The following GSTCD variants were observed in gnomAD, a reference collection of about 807,000 sequenced individuals.
GSTCD encodes the protein glutathione S-transferase C-terminal domain containing.
In GSTCD, 44 loss-of-function variants were observed where a neutral mutation model predicts 68.3. The observed-to-expected ratio is 0.64, with a 90% confidence interval of 0.51 to 0.83. GSTCD has a LOEUF of 0.83. Ranked by LOEUF, GSTCD falls within the 40% of genes least tolerant of loss-of-function variation. GSTCD has a pLI of 0.00. For missense variants in GSTCD, 739 were observed against 735.9 expected (o/e 1.00, Z -0.05); for synonymous variants, 273 against 255.2 (o/e 1.07, Z -0.67).
intron 5 of GSTCD, among the ~76,000 whole-genome samples, chr4:105,735,001 G>T (rs1325090881): frequency 6.6e-6 from 1 of 152,200 alleles, no homozygotes; most frequent in African/African-American, 2.4e-5. Context: ...AGCGAATATT[G>T]TTGAACAGCA....
chr4:105,806,962 A>T (rs1208625777), intron 5 of GSTCD, among the ~76,000 whole-genome samples: 1 of 152,004 alleles, frequency 6.6e-6, no homozygotes, highest in Non-Finnish European at 1.5e-5. Context: ...TTCACTTTTT[A>T]AAATCCTCCC....
chr4:105,732,316 G>C (rs896817607), intron 5 of GSTCD, among the ~76,000 whole-genome samples: 12 of 152,090 alleles, frequency 7.9e-5, no homozygotes, highest in Non-Finnish European at 1.5e-4. Flanking sequence ...GAATCCGTCT[G>C]GTCCTGGACT....
At chr4:105,725,068 G>A (rs1191210300) in intron 3 of GSTCD, among the ~76,000 whole-genome samples, 2 of 148,586 alleles carry the variant, frequency 1.3e-5, no homozygotes, top group Non-Finnish European at 3.0e-5. Flanking sequence ...GAAAGATGTA[G>A]ACAATTGAAT....
At chr4:105,733,336 G>T (rs1733326096) in intron 5 of GSTCD, among the ~76,000 whole-genome samples, 2 of 152,268 alleles carry the variant, frequency 1.3e-5, no homozygotes, top group South Asian at 4.1e-4. Flanking sequence ...TCTCTTTGTA[G>T]GTCTCTAAGG....
At chr4:105,760,717 G>C (rs1734373434) in intron 5 of GSTCD, among the ~76,000 whole-genome samples, 1 of 152,130 alleles carries the variant, frequency 6.6e-6, no homozygotes, top group African/African-American at 2.4e-5. Flanking sequence ...ATGGACTAGA[G>C]AGAATTAATG....
At chr4:105,814,952 C>A (rs2149269193) in intron 5 of GSTCD, among the ~76,000 whole-genome samples, 1 of 152,308 alleles carries the variant, frequency 6.6e-6, no homozygotes, top group East Asian at 1.9e-4. Flanking sequence ...ATGAATAGCC[C>A]TGCCTTTGAG....
intron 3 of GSTCD, among the ~76,000 whole-genome samples, chr4:105,720,349 C>G (rs1732822477): frequency 6.6e-6 from 1 of 152,064 alleles, no homozygotes; most frequent in Admixed American, 6.6e-5. Context: ...GGGTTTTTTT[C>G]TTGGAAGCAT....
At chr4:105,845,349 C>A in intron 11 of GSTCD, 92 bp from the exon 12 acceptor site, 2 of 1,392,338 alleles carry the variant, frequency 1.4e-6, no homozygotes, top group South Asian at 1.2e-5. Flanking sequence ...ATAGTACTTG[C>A]AGATTTTGTC....
At chr4:105,719,724 G>T (rs561023399) in intron 3 of GSTCD, among the ~76,000 whole-genome samples, 197 bp downstream of exon 3, 2 of 152,298 alleles carry the variant, frequency 1.3e-5, no homozygotes, top group South Asian at 4.1e-4. Flanking sequence ...ACAAATTAAA[G>T]TTTGTGTGAA....
At chr4:105,743,168 T>C (rs1315257011) in intron 5 of GSTCD, among the ~76,000 whole-genome samples, 2 of 152,092 alleles carry the variant, frequency 1.3e-5, no homozygotes, top group Admixed American at 6.6e-5. Context: ...GCCAGGATGG[T>C]CTCGATCTCC....
Position 105,847,058 on chromosome 4 carries a change from G to A in GSTCD, c.*1481G>A, listed in dbSNP as rs949895909. On this transcript the variant is annotated 3_prime_UTR_variant, in exon 12 of 12. Transcript: ENST00000515279. ...TTTCTGGGTAAAACTTATTAGTGGT[G>A]TGAGGAGTGCAGAATATGGAAGCTT... 3 of 152,200 alleles carry A rather than the reference G, an allele frequency of 2.0e-5. No homozygotes were observed. The highest frequency in any genetic ancestry group is 7.2e-5 in the African/African-American group (3 of 41,438). The allele number at this position is 152,200 out of a possible 1,614,324, so 9.4% of individuals were successfully genotyped here.
At chr4:105,783,477 G>A (rs564297532) in intron 5 of GSTCD, among the ~76,000 whole-genome samples, 1 of 152,020 alleles carries the variant, frequency 6.6e-6, no homozygotes, top group East Asian at 1.9e-4. Context: ...TACAAAAATA[G>A]TACAAAAAAA....
intron 7 of GSTCD, 23 bp from the exon 8 acceptor site, chr4:105,825,649 A>T: frequency 7.5e-7 from 1 of 1,325,498 alleles, no homozygotes; most frequent in Non-Finnish European, 1.1e-6. Context: ...TAAATATACT[A>T]TTGTTTTCTG....
At chr4:105,843,028 TC>T (rs1724418391) in intron 11 of GSTCD, among the ~76,000 whole-genome samples, 1 of 152,226 alleles carries the variant, frequency 6.6e-6, no homozygotes, top group Non-Finnish European at 1.5e-5. Flanking sequence ...TTATATTTTT[TC>T]TCTAAATTTA....
intron 5 of GSTCD, among the ~76,000 whole-genome samples, chr4:105,741,048 C>A (rs1480021586): frequency 6.6e-6 from 1 of 152,060 alleles, no homozygotes; most frequent in African/African-American, 2.4e-5. Context: ...AGCTCAATTT[C>A]TTCACTTATT....
chr4:105,736,211 T>C (rs1733457903), intron 5 of GSTCD, among the ~76,000 whole-genome samples: 1 of 152,150 alleles, frequency 6.6e-6, no homozygotes, highest in Admixed American at 6.5e-5. Flanking sequence ...TTCATAGAGG[T>C]ATAATCCTGC....
At chr4:105,714,200 A>C (rs905271892) in intron 1 of GSTCD, among the ~76,000 whole-genome samples, 1 of 152,140 alleles carries the variant, frequency 6.6e-6, no homozygotes, top group African/African-American at 2.4e-5. Flanking sequence ...AAAGAGATGC[A>C]CACTCTATTT....
chr4:105,774,758 A>C (rs1235417276), intron 5 of GSTCD, among the ~76,000 whole-genome samples: 1 of 152,086 alleles, frequency 6.6e-6, no homozygotes, highest in African/African-American at 2.4e-5. Context: ...GGGTAACCTG[A>C]CCTTTCTCTC....
chr4:105,808,459 A>T (rs961769680), intron 5 of GSTCD, among the ~76,000 whole-genome samples: 5 of 152,112 alleles, frequency 3.3e-5, no homozygotes, highest in African/African-American at 1.2e-4. Context: ...ATCTTAATCT[A>T]AGCAACTATC....
Sources: allele counts gnomAD v4.1 joint callset (sites outside exome capture counted in the v4.1 genomes callset), GRCh38; gene constraint gnomAD v4.1.1; transcripts MANE v1.5; gene names NCBI Gene and HGNC (gene_info 2026-07-23, HGNC 2026-07-21).